The following BEAN1 variants were observed in gnomAD, a reference collection of about 807,000 sequenced individuals.
BEAN1 encodes protein BEAN1.
BEAN1 carries 17 observed loss-of-function variants against 17.7 expected under a neutral mutation model. The ratio of observed to expected loss-of-function variants is 0.96; its 90% CI spans 0.66 to 1.44. The LOEUF is 1.44. Ranked by LOEUF, BEAN1 falls within the 40% of genes most tolerant of loss-of-function variation. The pLI is 0.00. For synonymous variants in BEAN1, 142 were observed against 151.8 expected, an observed-to-expected ratio of 0.94 and a Z score of 0.47; for missense variants, 359 against 374.1, an observed-to-expected ratio of 0.96 and a Z score of 0.33.
At chr16:66,485,212 A>G (rs1964071699), downstream of BEAN1, 1 of 415,276 alleles carries the variant, frequency 2.4e-6, no homozygotes, top group Admixed American at 2.5e-5. Flanking sequence ...CCAAGTTCCT[A>G]GAGATACCCC....
At position 66,477,428 on chromosome 16, in the gene BEAN1, C is replaced by A. The variant is rs992355931; in HGVS notation, c.290-132C>A. ...AGCTGTCACTGATGGATGAAGGCAG[C>A]TGTGCTTGGTGAGGAGAGGAGTGGT... On this transcript the variant is annotated intron_variant, in intron 3 of 4. Transcript: ENST00000536005. 1.1e-5 allele frequency: 10 copies of A among 934,638 alleles called. No homozygotes were observed. In the African/African-American group the frequency reaches 1.4e-4, roughly 13 times the overall value. 57.9% of individuals were successfully genotyped at this position (934,638 alleles called of 1,614,324 possible). A position where few individuals can be genotyped will look rare whatever the true frequency, so the allele number is the denominator to read the frequency against.
chr16:66,441,468 G>A (rs568374166), intron 2 of BEAN1, among the ~76,000 whole-genome samples: 1 of 152,162 alleles, frequency 6.6e-6, no homozygotes, highest in African/African-American at 2.4e-5. Context: ...AACTTCCTTA[G>A]CCCCCAAAAT....
In BEAN1 at chr16:66,444,298, G is replaced by A. The variant is rs553250676; in HGVS notation, c.25+6597G>A. ...TCTGATCCTTCCCTTTCCTCATAGA[G>A]AGGTCTCAAGCCCCTCCTTCCTGAC... On this transcript the variant is annotated intron_variant, in intron 2 of 4. Transcript: ENST00000536005. Among the ~76,000 whole-genome samples, 6 of 152,278 alleles carry A rather than the reference G, an allele frequency of 3.9e-5. No individual in the cohort carries two copies. The East Asian group carries it at 1.2e-3, about 29-fold the overall frequency.
chr16:66,470,168 C>CTTGA (rs1386520869), intron 3 of BEAN1: 4 of 418,950 alleles, frequency 9.5e-6, no homozygotes, highest in Non-Finnish European at 1.7e-5. Context: ...CATCTGGTGT[C>CTTGA]TCGATGGATG....
chr16:66,479,627 T>C (rs1344270922), intron 4 of BEAN1, among the ~76,000 whole-genome samples: 2 of 152,222 alleles, frequency 1.3e-5, no homozygotes, highest in East Asian at 3.9e-4. Flanking sequence ...AGGGTCTGGC[T>C]GAGCCTGGGG....
downstream of BEAN1, chr16:66,483,463 GC>G (rs1212237596): frequency 2.0e-5 from 3 of 152,772 alleles, no homozygotes; most frequent in Non-Finnish European, 4.4e-5. Context: ...CACCCTGATG[GC>G]TTGTACCACC....
intron 2 of BEAN1, among the ~76,000 whole-genome samples, chr16:66,449,755 A>G (rs1487666602): frequency 6.6e-6 from 1 of 152,180 alleles, no homozygotes; most frequent in African/African-American, 2.4e-5. Context: ...ATGTGTGGCT[A>G]TTATACACAC....
At chr16:66,448,270 A>T (rs1962530156) in intron 2 of BEAN1, among the ~76,000 whole-genome samples, 1 of 152,200 alleles carries the variant, frequency 6.6e-6, no homozygotes. Context: ...CACAAGAGCC[A>T]ATAGCTAAAT....
intron 2 of BEAN1, among the ~76,000 whole-genome samples, chr16:66,456,792 G>A (rs1962884666): frequency 6.6e-6 from 1 of 152,132 alleles, no homozygotes. Context: ...ATGACAAGGT[G>A]GTAAACTTAA....
At chr16:66,466,281 AAAAC>A (rs1028709561) in intron 2 of BEAN1, among the ~76,000 whole-genome samples, 5 of 152,210 alleles carry the variant, frequency 3.3e-5, no homozygotes, top group Non-Finnish European at 5.9e-5. Flanking sequence ...TGTCTCAAAA[AAAAC>A]AAACAAAAAA....
At chr16:66,446,114 CA>C (rs1331585831) in intron 2 of BEAN1, among the ~76,000 whole-genome samples, 4 of 151,924 alleles carry the variant, frequency 2.6e-5, no homozygotes, top group African/African-American at 4.8e-5. Flanking sequence ...ACCTGGGAGG[CA>C]GAGGCTGCAG....
chr16:66,451,975 C>A (rs1962688798), intron 2 of BEAN1, among the ~76,000 whole-genome samples: 1 of 152,182 alleles, frequency 6.6e-6, no homozygotes, highest in African/African-American at 2.4e-5. Flanking sequence ...GGGACTGGGA[C>A]TGGTTTGATT....
intron 2 of BEAN1, among the ~76,000 whole-genome samples, chr16:66,443,969 C>A (rs1014576508): frequency 1.3e-5 from 2 of 152,224 alleles, no homozygotes; most frequent in African/African-American, 2.4e-5. Flanking sequence ...AGCCACTGCA[C>A]CCAGCCCGCT....
downstream of BEAN1, among the ~76,000 whole-genome samples, chr16:66,487,200 A>ACTT (rs1964101545): frequency 6.6e-6 from 1 of 152,240 alleles, no homozygotes. Flanking sequence ...CTGAAGAGGA[A>ACTT]CATAAATTTG....
At chr16:66,444,478 G>C (rs1240584464) in intron 2 of BEAN1, among the ~76,000 whole-genome samples, 1 of 152,190 alleles carries the variant, frequency 6.6e-6, no homozygotes, top group Admixed American at 6.5e-5. Flanking sequence ...CACAGTGCAG[G>C]GGGAGGATGG....
chr16:66,461,749 A>G (rs1445674054), intron 2 of BEAN1, among the ~76,000 whole-genome samples: 3 of 152,200 alleles, frequency 2.0e-5, no homozygotes, highest in Non-Finnish European at 4.4e-5. Flanking sequence ...CCAGAGCCCC[A>G]TCGGGGACAA....
At chr16:66,457,492 G>T (rs1413920485) in intron 2 of BEAN1, among the ~76,000 whole-genome samples, 1 of 152,178 alleles carries the variant, frequency 6.6e-6, no homozygotes, top group Non-Finnish European at 1.5e-5. Flanking sequence ...TTGTAGAGAT[G>T]CATCCTCATT....
chr16:66,440,874 G>C (rs1436736195), intron 2 of BEAN1, among the ~76,000 whole-genome samples: 1 of 152,062 alleles, frequency 6.6e-6, no homozygotes, highest in Non-Finnish European at 1.5e-5. Flanking sequence ...TATTGGTTTG[G>C]GGCGCTCAAG....
chr16:66,466,692 A>G (rs143692755), intron 2 of BEAN1, among the ~76,000 whole-genome samples: 6 of 152,234 alleles, frequency 3.9e-5, no homozygotes, highest in African/African-American at 1.4e-4. Flanking sequence ...CAGGCTCCCA[A>G]GTAGCTGGGA....
Sources: allele counts gnomAD v4.1 joint callset (sites outside exome capture counted in the v4.1 genomes callset), GRCh38; gene constraint gnomAD v4.1.1; transcripts MANE v1.5; gene names NCBI Gene and HGNC (gene_info 2026-07-23, HGNC 2026-07-21).